Variants in CSMD1 observed in about 807,000 individuals in gnomAD.
CSMD1 encodes the protein CUB and Sushi multiple domains 1, also known as CUB and sushi domain-containing protein 1.
In CSMD1, 213 loss-of-function variants were observed where a neutral mutation model predicts 417.5. That is an observed-to-expected ratio of 0.51 (90% CI 0.46 to 0.57). CSMD1 has a LOEUF of 0.57. CSMD1 is among the 20% of genes least tolerant of loss of function. The pLI is 0.00. For missense variants in CSMD1, 6,923 were observed against 4,529.7 expected (o/e 1.53, Z -15.17); for synonymous variants, 2,862 against 1,736.8 (o/e 1.65, Z -16.11).
intron 1 of CSMD1, among the ~76,000 whole-genome samples, chr8:4,990,240 A>G (rs1811390819): frequency 6.6e-6 from 1 of 152,234 alleles, no homozygotes; most frequent in Admixed American, 6.5e-5. Flanking sequence ...GAAGCACTGA[A>G]AAGCTTTCCG....
chr8:3,012,429 A>G lies in CSMD1; in HGVS notation c.8029+6048T>C, dbSNP rs1808462866. ...AAAAAGGATTCCAGCATATTCTCCC[A>G]TGTTGGAAGTCACTGGAAACAACTA... On this transcript the variant is annotated intron_variant, in intron 52 of 69. Transcript: ENST00000635120. 2.6e-5 allele frequency among the ~76,000 whole-genome samples: 4 copies of G among 152,180 alleles called. No individual in the cohort carries two copies. The South Asian group carries it at 8.3e-4, about 32-fold the overall frequency.
At chr8:3,458,602 G>A (rs192316854) in intron 12 of CSMD1, among the ~76,000 whole-genome samples, 22 of 152,214 alleles carry the variant, frequency 1.4e-4, no homozygotes, top group Middle Eastern at 3.4e-3. Flanking sequence ...CATCTTATTC[G>A]TCTTGCGTTA....
chr8:3,406,360 ATAG>A, intron 14 of CSMD1, 139 bp from the exon 15 acceptor site: 1 of 150,066 alleles, frequency 6.7e-6, no homozygotes, highest in Non-Finnish European at 1.1e-5. Flanking sequence ...TGTATCATTC[ATAG>A]ATAGATAATA....
At position 4,822,852 on chromosome 8, in the gene CSMD1, C is replaced by T. The variant is rs79590007; in HGVS notation, c.85+171480G>A. Among the ~76,000 whole-genome samples, 505 of 152,064 alleles carry T rather than the reference C, an allele frequency of 3.3e-3. 8 individuals carry two copies. The highest frequency in any genetic ancestry group is 0.011 in the African/African-American group (469 of 41,484). The stretch of plus-strand genomic sequence containing the variant: ...ATTTTGTCCCTTCTGTAATTTTCTC[C>T]GTCAGATTGTCTTTTTCATAATATG... On this transcript the variant is annotated intron_variant, in intron 1 of 69. Transcript: ENST00000635120.
At chr8:2,943,078 G>A (rs1330949070) in intron 68 of CSMD1, among the ~76,000 whole-genome samples, 1 of 152,112 alleles carries the variant, frequency 6.6e-6, no homozygotes, top group Non-Finnish European at 1.5e-5. Context: ...ATAGGATGGT[G>A]TCATCTGTCT....
In CSMD1 at chr8:4,650,347, GAAA is replaced by G. The variant is rs61642390; in HGVS notation, c.86-12792_86-12790del. ...GCAGCAGTACGAGACTCCGTCTCAA[GAAA>G]AAAAAAAAAAAAAAAAAAAAAAATC... is the stretch of plus-strand genomic sequence containing the variant. On this transcript the variant is annotated intron_variant, in intron 1 of 69. Coordinates refer to ENST00000635120, the MANE Select transcript of CSMD1 (RefSeq NM_033225.6). Among the ~76,000 whole-genome samples, 706 of 78,242 alleles carry G rather than the reference GAAA, an allele frequency of 9.0e-3. 7 individuals are homozygous for G. The East Asian group carries it at 0.13, about 14-fold the overall frequency. The allele number at this position is 78,242 out of a possible 152,430, so 51.3% of individuals were successfully genotyped here.
intron 4 of CSMD1, among the ~76,000 whole-genome samples, chr8:4,007,658 T>A (rs116098596): frequency 6.6e-6 from 1 of 152,010 alleles, no homozygotes; most frequent in Non-Finnish European, 1.5e-5. Flanking sequence ...GGCGGCCTGA[T>A]AGAAGTATTC....
At chr8:4,082,291 C>T (rs968479622) in intron 3 of CSMD1, among the ~76,000 whole-genome samples, 4 of 152,062 alleles carry the variant, frequency 2.6e-5, no homozygotes, top group African/African-American at 7.2e-5. Context: ...AATATCTGAG[C>T]AGACGTATAA....
At chr8:2,973,564 G>A (rs1180948144) in intron 56 of CSMD1, among the ~76,000 whole-genome samples, 1 of 151,994 alleles carries the variant, frequency 6.6e-6, no homozygotes, top group Non-Finnish European at 1.5e-5. Context: ...TCCTTTGGAA[G>A]GAGGAAAATG....
intron 10 of CSMD1, among the ~76,000 whole-genome samples, chr8:3,520,205 G>C (rs1357871049): frequency 1.3e-5 from 2 of 151,864 alleles, no homozygotes; most frequent in African/African-American, 2.4e-5. Context: ...ATTTTTAAAA[G>C]TACTTCATAA....
chr8:4,307,928 A>T (rs978415809), intron 3 of CSMD1, among the ~76,000 whole-genome samples: 1 of 152,194 alleles, frequency 6.6e-6, no homozygotes, highest in African/African-American at 2.4e-5. Flanking sequence ...GGACCCCCGG[A>T]TGCAAGGGTC....
At chr8:4,168,453 C>A (rs535741405) in intron 3 of CSMD1, among the ~76,000 whole-genome samples, 2 of 151,746 alleles carry the variant, frequency 1.3e-5, no homozygotes, top group Non-Finnish European at 2.9e-5. Flanking sequence ...TGCAATATAA[C>A]GTATTTTTAG....
chr8:3,671,496 CATATATATATATAT>C lies in CSMD1; in HGVS notation c.1009+36904_1009+36917del, dbSNP rs200669319. Among the ~76,000 whole-genome samples the C allele has an allele frequency of 3.2e-4, 4 of 12,368 alleles. 2 individuals carry two copies. Among genetic ancestry groups the C allele is most frequent in the Non-Finnish European group, 5.3e-4 (4 of 7,530 alleles). 8.1% of individuals were successfully genotyped at this position (12,368 alleles called of 152,430 possible). A position where few individuals can be genotyped will look rare whatever the true frequency, so the allele number is the denominator to read the frequency against. ...TCATATATATACTCATATATATGAT[CATATATATATATAT>C]ATGATCATATATATGATCATATATA... On this transcript the variant is annotated intron_variant, in intron 7 of 69. Coordinates refer to ENST00000635120, the MANE Select transcript of CSMD1 (RefSeq NM_033225.6).
chr8:3,995,168 G>T (rs1331937881), intron 5 of CSMD1, among the ~76,000 whole-genome samples: 2 of 152,128 alleles, frequency 1.3e-5, no homozygotes, highest in Admixed American at 1.3e-4. Flanking sequence ...CATTTGTATA[G>T]GCCTTAAAAG....
At position 3,052,485 on chromosome 8, in the gene CSMD1, T is replaced by G. The variant is rs756104663; in HGVS notation, c.7637A>C (p.Lys2546Thr). 9 of 1,586,546 alleles carry G rather than the reference T, an allele frequency of 5.7e-6. No homozygotes were observed. In the Admixed American group the frequency reaches 1.3e-4, roughly 22 times the overall value. The change falls in exon 50 of 70, where the codon AAG (lysine) becomes ACG (threonine). Residue 2546 changes from lysine (K) to threonine (T), a missense_variant. Physicochemically the swap from Lys to Thr is moderately conservative, Grantham distance 78. Coordinates refer to ENST00000635120, the MANE Select transcript of CSMD1 (RefSeq NM_033225.6). ...VCQEDGLWSN[K>T]GKPPTCKPVA... ...ACGCTTACACGTGGGCGGCTTCCCCTTGTTACTCCACAACCCATCTTCTTG... is the reference window on the plus strand; with the variant it reads ...ACGCTTACACGTGGGCGGCTTCCCCGTGTTACTCCACAACCCATCTTCTTG...
intron 5 of CSMD1, among the ~76,000 whole-genome samples, chr8:3,853,656 C>G (rs973560008): frequency 6.6e-6 from 1 of 151,832 alleles, no homozygotes; most frequent in Non-Finnish European, 1.5e-5. Context: ...TCCGAAGGAC[C>G]ATCTTCCCTA....
chr8:4,425,093 C>T (rs748669159), intron 2 of CSMD1, among the ~76,000 whole-genome samples: 33 of 151,922 alleles, frequency 2.2e-4, no homozygotes, highest in Middle Eastern at 3.4e-3. Flanking sequence ...CATATATATT[C>T]GCCTAAGTTA....
chr8:4,852,005 G>C (rs1801509220), intron 1 of CSMD1, among the ~76,000 whole-genome samples: 1 of 152,118 alleles, frequency 6.6e-6, no homozygotes, highest in South Asian at 2.1e-4. Flanking sequence ...CTGGACGCTT[G>C]ATCTGTCACT....
intron 12 of CSMD1, among the ~76,000 whole-genome samples, chr8:3,467,507 G>C (rs944464996): frequency 3.9e-5 from 6 of 152,186 alleles, no homozygotes; most frequent in African/African-American, 7.2e-5. Flanking sequence ...CTGCATTCTA[G>C]TTTTAGTCAT....
Sources: allele counts gnomAD v4.1 joint callset (sites outside exome capture counted in the v4.1 genomes callset), GRCh38; gene constraint gnomAD v4.1.1; transcripts MANE v1.5; gene names NCBI Gene and HGNC (gene_info 2026-07-23, HGNC 2026-07-21).